The following ANK2 variants were observed in gnomAD, a reference collection of about 807,000 sequenced individuals.
The protein encoded by ANK2 is ankyrin 2.
Under a neutral mutation model 360.5 loss-of-function variants are expected in ANK2, and 83 were observed. The observed-to-expected ratio is 0.23, with a 90% confidence interval of 0.19 to 0.28. ANK2 has a LOEUF of 0.28. Ranked by LOEUF, ANK2 falls within the 10% of genes least tolerant of loss-of-function variation. The probability of loss-of-function intolerance (pLI) is 1.00; values close to 1 mark genes in which losing one functional copy is unlikely to be tolerated. For synonymous variants in ANK2, 1,740 were observed against 1,759.5 expected (o/e 0.99, Z 0.28); for missense variants, 4,201 against 4,795.7 (o/e 0.88, Z 3.66).
At chr4:113,016,350 A>G (rs981791212) in intron 2 of ANK2, among the ~76,000 whole-genome samples, 2 of 152,138 alleles carry the variant, frequency 1.3e-5, no homozygotes, top group Non-Finnish European at 2.9e-5. Context: ...AAACTCTTAT[A>G]GGTTCTTCAC....
At position 113,245,179 on chromosome 4, in the gene ANK2, C is replaced by A. The variant is rs554620678; in HGVS notation, c.891+2970C>A. On this transcript the variant is annotated intron_variant, in intron 9 of 45. Transcript: ENST00000357077. ...TTCTTTTCATTCTGGCTACAGCTAA[C>A]AGACCTATATCCCTCTTACTAAAGA... Among the ~76,000 whole-genome samples, 3 of 152,204 alleles carry A rather than the reference C, an allele frequency of 2.0e-5. No individual in the cohort carries two copies. The South Asian group carries it at 6.2e-4, about 32-fold the overall frequency.
upstream of ANK2, among the ~76,000 whole-genome samples, chr4:112,815,411 A>G (rs964589309): frequency 6.6e-6 from 1 of 152,230 alleles, no homozygotes; most frequent in African/African-American, 2.4e-5. Context: ...AAACACATAT[A>G]TTAATATTCA....
intron 45 of ANK2, chr4:113,378,211 C>A: frequency 1.9e-6 from 2 of 1,057,554 alleles, no homozygotes; most frequent in Non-Finnish European, 2.5e-6. Context: ...GATGCTTTGC[C>A]AACTAACACC....
intron 1 of ANK2, among the ~76,000 whole-genome samples, chr4:113,055,031 C>A (rs2068931723): frequency 6.6e-6 from 1 of 152,138 alleles, no homozygotes; most frequent in Non-Finnish European, 1.5e-5. Flanking sequence ...TTCAGACCTG[C>A]TGTGTATCAG....
chr4:113,339,710 TAA>T (rs983938094), intron 32 of ANK2, among the ~76,000 whole-genome samples: 1 of 152,238 alleles, frequency 6.6e-6, no homozygotes, highest in African/African-American at 2.4e-5. Flanking sequence ...GTGGTTTGTC[TAA>T]AAGGCTTAGA....
chr4:113,256,451 G>A (rs987745667), intron 11 of ANK2, among the ~76,000 whole-genome samples: 2 of 152,170 alleles, frequency 1.3e-5, no homozygotes, highest in Admixed American at 6.5e-5. Flanking sequence ...GAAAAGTTAT[G>A]CCTAGTGTGT....
rs114165615 is a variant in ANK2 at position 113,183,627 on chromosome 4, T to G, written c.186+9110T>G. 9.3e-3 allele frequency among the ~76,000 whole-genome samples: 1,420 copies of G among 152,260 alleles called. 26 individuals are homozygous for G. Among genetic ancestry groups the G allele is most frequent in the African/African-American group, 0.032 (1,350 of 41,544 alleles). On this transcript the variant is annotated intron_variant, in intron 2 of 45. Transcript: ENST00000357077. Reference sequence around the variant, plus strand: ...TTAAGGATTGAAGGATTTCTGGAGTTGGATGAGTAGATTAGCAAGAGAGTA... The same window carrying G: ...TTAAGGATTGAAGGATTTCTGGAGTGGGATGAGTAGATTAGCAAGAGAGTA...
Position 113,095,574 on chromosome 4 carries a change from C to G in ANK2, c.84+45762C>G, listed in dbSNP as rs78193835. Among the ~76,000 whole-genome samples the G allele has an allele frequency of 2.6e-5, 4 of 152,174 alleles. No individual in the cohort carries two copies. In the East Asian group the frequency reaches 7.7e-4, roughly 29 times the overall value. On this transcript the variant is annotated intron_variant, in intron 1 of 45. Coordinates refer to ENST00000357077, the MANE Select transcript of ANK2 (RefSeq NM_001148.6). ...CTCTTTATTCTTTCTTTCTATTATTCTATTGTTATCCCCAGTAGAGGAAAT... is the reference window on the plus strand; with the variant it reads ...CTCTTTATTCTTTCTTTCTATTATTGTATTGTTATCCCCAGTAGAGGAAAT...
chr4:113,028,799 T>G (rs1217255600), intron 2 of ANK2, among the ~76,000 whole-genome samples: 1 of 152,096 alleles, frequency 6.6e-6, no homozygotes, highest in East Asian at 1.9e-4. Flanking sequence ...GCGTATTGTT[T>G]CCACAATGAG....
intron 23 of ANK2, among the ~76,000 whole-genome samples, chr4:113,306,281 G>A (rs1474759817): frequency 6.6e-6 from 1 of 152,194 alleles, no homozygotes; most frequent in Non-Finnish European, 1.5e-5. Context: ...TAAGAGATGA[G>A]AGATTAATAA....
chr4:113,346,300 GAAGT>G (rs1422639882), intron 35 of ANK2, among the ~76,000 whole-genome samples: 1 of 152,146 alleles, frequency 6.6e-6, no homozygotes. Context: ...ATTGGGCATG[GAAGT>G]AAGAAAATTT....
intron 4 of ANK2, among the ~76,000 whole-genome samples, chr4:113,217,929 G>C (rs937382326): frequency 6.8e-6 from 1 of 147,914 alleles, no homozygotes; most frequent in Non-Finnish European, 1.5e-5. Flanking sequence ...TAAATATTGA[G>C]TATATCACTT....
At chr4:112,747,415 A>T in the ANK2 span, among the ~76,000 whole-genome samples, 1 of 152,262 alleles carries the variant, frequency 6.6e-6, no homozygotes, top group African/African-American at 2.4e-5. Context: ...TCAAATGTGT[A>T]AAATGATAAT....
chr4:113,018,099 A>C (rs545812406), intron 2 of ANK2, among the ~76,000 whole-genome samples: 79 of 152,368 alleles, frequency 5.2e-4, no homozygotes, highest in African/African-American at 1.9e-3. Context: ...TTAGTGCATT[A>C]GATTTTTAAA....
chr4:113,155,908 T>TC (rs149103544), intron 1 of ANK2, among the ~76,000 whole-genome samples: 2,348 of 152,340 alleles, frequency 0.015, 50 homozygotes, highest in African/African-American at 0.053. Flanking sequence ...ACCACAATGA[T>TC]CTACTTATCG....
At chr4:113,220,800 A>G (rs2099141808) in intron 4 of ANK2, among the ~76,000 whole-genome samples, 2 of 152,244 alleles carry the variant, frequency 1.3e-5, no homozygotes, top group Non-Finnish European at 2.9e-5. Flanking sequence ...ACACAAATCT[A>G]AGTCATCTAT....
intron 1 of ANK2, among the ~76,000 whole-genome samples, chr4:112,830,215 C>G (rs2149656304): frequency 6.6e-6 from 1 of 152,268 alleles, no homozygotes; most frequent in African/African-American, 2.4e-5. Context: ...TTCATTGCAG[C>G]ACTACTCACA....
intron 31 of ANK2, among the ~76,000 whole-genome samples, chr4:113,338,066 A>C (rs2093778523): frequency 6.6e-6 from 1 of 152,216 alleles, no homozygotes; most frequent in Non-Finnish European, 1.5e-5. Flanking sequence ...TTAACAAATA[A>C]TTTAATGTAT....
chr4:112,943,202 A>ATTGATGTAG (rs2154248036), intron 2 of ANK2, among the ~76,000 whole-genome samples: 1 of 152,194 alleles, frequency 6.6e-6, no homozygotes, highest in African/African-American at 2.4e-5. Flanking sequence ...TTCAACAGTT[A>ATTGATGTAG]GCTAATTCTT....
Sources: gnomAD v4.1 joint callset for allele counts (sites outside exome capture counted in the v4.1 genomes callset) on GRCh38, gnomAD v4.1.1 for gene constraint, MANE v1.5 for transcripts, NCBI Gene and HGNC (gene_info 2026-07-23, HGNC 2026-07-21) for gene names.